Variants in ITCH observed in about 807,000 individuals in gnomAD.
ITCH encodes the protein E3 ubiquitin-protein ligase Itchy homolog.
Under a neutral mutation model 126.8 loss-of-function variants are expected in ITCH, and 28 were observed. That is an observed-to-expected ratio of 0.22 (90% CI 0.16 to 0.30). ITCH has a LOEUF of 0.30. ITCH is among the 10% of genes least tolerant of loss of function. The probability of loss-of-function intolerance (pLI) is 1.00; values close to 1 mark genes in which losing one functional copy is unlikely to be tolerated. For missense variants in ITCH, 631 were observed against 1,032.4 expected, an observed-to-expected ratio of 0.61 and a Z score of 5.33; for synonymous variants, 342 against 340.0, an observed-to-expected ratio of 1.01 and a Z score of -0.06.
chr20:34,388,258 T>C (rs914504735), intron 2 of ITCH, among the ~76,000 whole-genome samples: 6 of 152,274 alleles, frequency 3.9e-5, no homozygotes, highest in South Asian at 4.1e-4. Flanking sequence ...CCACTGCATC[T>C]GGCTAATTTT....
At chr20:34,369,869 G>A (rs1367439518) in intron 2 of ITCH, among the ~76,000 whole-genome samples, 1 of 151,876 alleles carries the variant, frequency 6.6e-6, no homozygotes, top group East Asian at 1.9e-4. Flanking sequence ...TTTGTGGGGC[G>A]AAGGTGGGAG....
intron 22 of ITCH, among the ~76,000 whole-genome samples, chr20:34,491,098 C>T (rs909832497): frequency 6.6e-6 from 1 of 152,194 alleles, no homozygotes; most frequent in African/African-American, 2.4e-5. Context: ...ATCGAACCAT[C>T]ATAAGTCTAG....
At chr20:34,486,506 A>G (rs1989127307) in intron 20 of ITCH, among the ~76,000 whole-genome samples, 1 of 151,224 alleles carries the variant, frequency 6.6e-6, no homozygotes, top group Non-Finnish European at 1.5e-5. Flanking sequence ...TTGTATTTTT[A>G]GTAGAGACGG....
chr20:34,456,680 A>G (rs1001200937), intron 12 of ITCH, among the ~76,000 whole-genome samples: 27 of 147,906 alleles, frequency 1.8e-4, no homozygotes, highest in African/African-American at 6.7e-4. Flanking sequence ...GTGTATTTAT[A>G]TATACAAATG....
rs904883569 is a variant in ITCH at position 34,410,384 on chromosome 20, GAA to G, written c.212+1603_212+1604del. Among the ~76,000 whole-genome samples, 4 of 29,552 alleles carry G rather than the reference GAA, an allele frequency of 1.4e-4. No individual in the cohort carries two copies. In the South Asian group the frequency reaches 4.7e-3, roughly 35 times the overall value. The allele number at this position is 29,552 out of a possible 152,430, so 19.4% of individuals were successfully genotyped here. A position where few individuals can be genotyped will look rare whatever the true frequency, so the allele number is the denominator to read the frequency against. On this transcript the variant is annotated intron_variant, in intron 4 of 24. Coordinates refer to ENST00000374864, the MANE Select transcript of ITCH (RefSeq NM_031483.7). ...GTGAAACTCTGTCTCAAAAAAGAGA[GAA>G]AAAAAAAAAAGAATTTATGGAAGAT...
At chr20:34,367,159 G>A (rs2037450848) in intron 1 of ITCH, among the ~76,000 whole-genome samples, 1 of 152,084 alleles carries the variant, frequency 6.6e-6, no homozygotes, top group Admixed American at 6.6e-5. Context: ...GGTGTAATTT[G>A]GAAGAGAACT....
chr20:34,428,447 C>T (rs1439617277), intron 7 of ITCH, among the ~76,000 whole-genome samples: 1 of 152,122 alleles, frequency 6.6e-6, no homozygotes, highest in Non-Finnish European at 1.5e-5. Context: ...CTGTTTTCCC[C>T]ACAGCATGTC....
chr20:34,405,292 G>A (rs1485406147), intron 3 of ITCH, among the ~76,000 whole-genome samples: 1 of 152,138 alleles, frequency 6.6e-6, no homozygotes, highest in Non-Finnish European at 1.5e-5. Flanking sequence ...ATCACCTGAG[G>A]TCAGGAGTTT....
rs35124886 is a variant in ITCH, at chr20:34,384,279, C to CTTT, written c.-21-9494_-21-9492dup. The CTTT allele has an allele frequency of 4.6e-3, 478 of 103,822 alleles. 29 individuals are homozygous for CTTT. Among genetic ancestry groups the CTTT allele is most frequent in the African/African-American group, 0.015 (394 of 25,846 alleles). 6.4% of individuals were successfully genotyped at this position (103,822 alleles called of 1,614,324 possible). On this transcript the variant is annotated intron_variant, in intron 2 of 24. Transcript: ENST00000374864. ...GTTGGACCAGCCGAGGCCTGTAATT[C>CTTT]TTTTTTTTTTTTTTTTTTTTGAGAT...
chr20:34,438,782 C>A, intron 8 of ITCH, 151 bp downstream of exon 8: 4 of 1,034,368 alleles, frequency 3.9e-6, no homozygotes, highest in Non-Finnish European at 5.9e-6. Context: ...TGTAGGTAAC[C>A]AAAAGTGCCT....
chr20:34,457,602 A>G (rs1986129346), intron 13 of ITCH, 128 bp downstream of exon 13: 1 of 699,148 alleles, frequency 1.4e-6, no homozygotes, highest in African/African-American at 1.8e-5. Flanking sequence ...ATACTTTGGA[A>G]AGAGAAAATT....
chr20:34,477,996 C>T, intron 17 of ITCH, 136 bp downstream of exon 17: 1 of 1,137,698 alleles, frequency 8.8e-7, no homozygotes, highest in East Asian at 2.5e-5. Flanking sequence ...CTTTATTATG[C>T]TGTAGCTACA....
At chr20:34,366,301 G>C (rs1423159273) in intron 1 of ITCH, among the ~76,000 whole-genome samples, 1 of 152,132 alleles carries the variant, frequency 6.6e-6, no homozygotes, top group Non-Finnish European at 1.5e-5. Context: ...ATGGAGTGCA[G>C]TGACAGGACC....
At position 34,456,214 on chromosome 20, in the gene ITCH, A is replaced by AT. The variant is rs1174099069; in HGVS notation, c.1211-1148dup. ...TATATATATATATATATATATATAT[A>AT]TTTTTTTTTTTTTTTTTTTTTTTTT... On this transcript the variant is annotated intron_variant, in intron 12 of 24. Coordinates refer to ENST00000374864, the MANE Select transcript of ITCH (RefSeq NM_031483.7). Among the ~76,000 whole-genome samples the AT allele has an allele frequency of 4.7e-3, 83 of 17,714 alleles. 7 individuals are homozygous for AT. The highest frequency in any genetic ancestry group is 9.4e-3 in the South Asian group (2 of 212). The allele number at this position is 17,714 out of a possible 152,430, so 11.6% of individuals were successfully genotyped here. A position where few individuals can be genotyped will look rare whatever the true frequency, so the allele number is the denominator to read the frequency against.
At chr20:34,504,680 A>G (rs1990511115) in intron 24 of ITCH, among the ~76,000 whole-genome samples, 1 of 152,192 alleles carries the variant, frequency 6.6e-6, no homozygotes, top group Non-Finnish European at 1.5e-5. Flanking sequence ...TAGGAGACCT[A>G]CTTTCTAACA....
chr20:34,489,499 G>A, intron 21 of ITCH, 113 bp downstream of exon 21: 1 of 1,062,476 alleles, frequency 9.4e-7, no homozygotes, highest in Non-Finnish European at 1.4e-6. Context: ...TTATACTGGG[G>A]CAAAATGTTT....
At chr20:34,462,588 G>C (rs1986648021) in intron 14 of ITCH, among the ~76,000 whole-genome samples, 1 of 152,072 alleles carries the variant, frequency 6.6e-6, no homozygotes, top group Non-Finnish European at 1.5e-5. Flanking sequence ...GTAACCTTTT[G>C]ATTTGCTTAT....
chr20:34,367,119 A>G (rs1469780782), intron 1 of ITCH, among the ~76,000 whole-genome samples: 1 of 152,188 alleles, frequency 6.6e-6, no homozygotes, highest in Non-Finnish European at 1.5e-5. Flanking sequence ...GTTCATTAGC[A>G]TCTTTGAGAA....
chr20:34,486,794 G>A (rs2058316761), intron 20 of ITCH, among the ~76,000 whole-genome samples: 1 of 148,294 alleles, frequency 6.7e-6, no homozygotes. Flanking sequence ...AATTCCAGAA[G>A]TTCAAGCGAT....
Sources: allele counts gnomAD v4.1 joint callset (sites outside exome capture counted in the v4.1 genomes callset), GRCh38; gene constraint gnomAD v4.1.1; transcripts MANE v1.5; gene names NCBI Gene and HGNC (gene_info 2026-07-23, HGNC 2026-07-21).